STK3: variants seen among roughly 807,000 people sequenced by gnomAD.
STK3 encodes the protein serine/threonine kinase 3, also known as serine/threonine-protein kinase 3.
Under a neutral mutation model 58.0 loss-of-function variants are expected in STK3, and 41 were observed. That is an observed-to-expected ratio of 0.71 (90% CI 0.55 to 0.92). The LOEUF is 0.92. STK3 is among the 40% of genes least tolerant of loss of function. STK3 has a pLI of 0.00. For missense variants in STK3, 479 were observed against 602.7 expected (o/e 0.79, Z 2.15); for synonymous variants, 170 against 191.0 (o/e 0.89, Z 0.91).
At chr8:98,707,423 T>A in intron 4 of STK3, 112 bp from the exon 5 acceptor site, 4 of 796,006 alleles carry the variant, frequency 5.0e-6, no homozygotes, top group Non-Finnish European at 1.9e-6. Flanking sequence ...TGTTTTTTTT[T>A]AAGAGACCCC....
chr8:98,463,634 T>C (rs569211997), intron 10 of STK3, among the ~76,000 whole-genome samples: 1 of 152,292 alleles, frequency 6.6e-6, no homozygotes, highest in Non-Finnish European at 1.5e-5. Context: ...CCTTTAAGTT[T>C]ACATATCTAG....
At chr8:98,794,830 G>T (rs1283524178) in intron 1 of STK3, among the ~76,000 whole-genome samples, 1 of 151,826 alleles carries the variant, frequency 6.6e-6, no homozygotes, top group Non-Finnish European at 1.5e-5. Context: ...CACTTTGGGA[G>T]CCTAAGGCAG....
Position 98,937,696 on chromosome 8 carries a change from G to A in STK3, c.-79+4682C>T, listed in dbSNP as rs533840623. On this transcript the variant is annotated intron_variant, in intron 1 of 1. Transcript: ENST00000519420. Reference sequence around the variant, plus strand: ...AGGAATTGTATGTGCCTTATTAGTCGGTACTTCACAGGATTTTTAGAGTTG... The same window carrying A: ...AGGAATTGTATGTGCCTTATTAGTCAGTACTTCACAGGATTTTTAGAGTTG... Among the ~76,000 whole-genome samples, 12 of 152,286 alleles carry A rather than the reference G, an allele frequency of 7.9e-5. No individual in the cohort carries two copies. In the South Asian group the frequency reaches 1.2e-3, roughly 16 times the overall value.
chr8:98,840,443 C>A (rs995322436), intron 3 of STK3, among the ~76,000 whole-genome samples: 1 of 148,180 alleles, frequency 6.7e-6, no homozygotes, highest in African/African-American at 2.5e-5. Flanking sequence ...GTGGTGGCAC[C>A]TGTCTGTAGT....
intron 4 of STK3, among the ~76,000 whole-genome samples, chr8:98,709,404 TC>T (rs1826219696): frequency 6.6e-6 from 1 of 152,092 alleles, no homozygotes; most frequent in Non-Finnish European, 1.5e-5. Context: ...ATTCAACTTC[TC>T]AAATTTTCTA....
At chr8:98,920,506 C>T (rs1748860961) in intron 1 of STK3, among the ~76,000 whole-genome samples, 1 of 152,212 alleles carries the variant, frequency 6.6e-6, no homozygotes, top group African/African-American at 2.4e-5. Flanking sequence ...TTAACAGCTG[C>T]CAAAAGCACA....
chr8:98,546,339 A>T (rs1196606230), intron 9 of STK3, among the ~76,000 whole-genome samples: 1 of 152,072 alleles, frequency 6.6e-6, no homozygotes, highest in Non-Finnish European at 1.5e-5. Context: ...AATATAATAC[A>T]CTGCAATCTA....
chr8:98,597,273 C>T (rs1432399379), intron 6 of STK3: 21 of 985,310 alleles, frequency 2.1e-5, no homozygotes, highest in Non-Finnish European at 2.5e-5. Context: ...AATGGACTTT[C>T]TGTGGACACA....
chr8:98,428,492 G>A lies in STK3; in HGVS notation n.483+5635C>T. Reference sequence around the variant, plus strand: ...GGCAGCCCCTCGGCAACTTCCGCAGGCAGCTGTGGCTGGCGCTGGACAACC... The same window carrying A: ...GGCAGCCCCTCGGCAACTTCCGCAGACAGCTGTGGCTGGCGCTGGACAACC... On this transcript the variant is annotated intron_variant and non_coding_transcript_variant, in intron 3 of 3. Transcript: ENST00000517832. The surrounding 1 kb of genome is among the most constrained non-coding windows in gnomAD (Gnocchi z 6.7). 2 of 1,614,112 alleles carry A rather than the reference G, an allele frequency of 1.2e-6. No individual in the cohort carries two copies. The highest frequency in any genetic ancestry group is 2.2e-5 in the South Asian group (2 of 91,080).
intron 10 of STK3, among the ~76,000 whole-genome samples, chr8:98,502,250 G>C (rs1341783984): frequency 4.6e-5 from 7 of 151,248 alleles, no homozygotes; most frequent in African/African-American, 1.5e-4. Flanking sequence ...TTTGCACATT[G>C]ATTTTGTATC....
chr8:98,414,036 G>T (rs1291543870), intron 3 of STK3, among the ~76,000 whole-genome samples: 1 of 152,178 alleles, frequency 6.6e-6, no homozygotes, highest in Non-Finnish European at 1.5e-5. Context: ...GGCCACAGTG[G>T]GTGGATCACC....
At chr8:98,693,828 A>T (rs1234126554) in intron 6 of STK3, among the ~76,000 whole-genome samples, 1 of 152,144 alleles carries the variant, frequency 6.6e-6, no homozygotes, top group African/African-American at 2.4e-5. Flanking sequence ...TCAGTTTTCC[A>T]GAATTTCTCA....
intron 6 of STK3, among the ~76,000 whole-genome samples, chr8:98,683,793 A>G (rs1268157306): frequency 1.3e-5 from 2 of 152,196 alleles, no homozygotes; most frequent in East Asian, 1.9e-4. Context: ...GTTGAAATGC[A>G]GAACTGTAAT....
At position 98,805,476 on chromosome 8, in the gene STK3, A is replaced by G. The variant is rs867895906; in HGVS notation, c.26+20039T>C. Among the ~76,000 whole-genome samples, 41 of 151,950 alleles carry G rather than the reference A, an allele frequency of 2.7e-4. 1 individual carries two copies. The highest frequency in any genetic ancestry group is 7.3e-5 in the African/African-American group (3 of 41,360). ...TGTAATCCCAGCTACTCGGGAGGCT[A>G]AGGCAGGAGAATTGCTTGAACCCAG... On this transcript the variant is annotated intron_variant, in intron 1 of 10. Transcript: ENST00000419617.
chr8:98,351,897 C>A, the STK3 span, among the ~76,000 whole-genome samples: 1 of 152,154 alleles, frequency 6.6e-6, no homozygotes, highest in Non-Finnish European at 1.5e-5. Flanking sequence ...TGGTGCCTCA[C>A]GCCTGTAATC....
downstream of STK3, among the ~76,000 whole-genome samples, chr8:98,400,249 A>G (rs1817930116): frequency 5.9e-5 from 9 of 152,358 alleles, no homozygotes; most frequent in South Asian, 1.9e-3. Context: ...GTCCAAGTCC[A>G]GGGATTCCAT....
At chr8:98,911,371 TAA>T (rs1298556335) in intron 1 of STK3, among the ~76,000 whole-genome samples, 1 of 145,166 alleles carries the variant, frequency 6.9e-6, no homozygotes, top group African/African-American at 2.7e-5. Context: ...ATTACTCATA[TAA>T]ATATTGTATT....
chr8:98,477,560 G>A (rs1821423858), intron 10 of STK3, among the ~76,000 whole-genome samples: 2 of 151,866 alleles, frequency 1.3e-5, no homozygotes, highest in African/African-American at 2.4e-5. Context: ...ATGTCCATTA[G>A]CAATTCATTC....
chr8:98,587,054 G>T (rs1378767002), intron 7 of STK3, among the ~76,000 whole-genome samples: 1 of 151,872 alleles, frequency 6.6e-6, no homozygotes, highest in Non-Finnish European at 1.5e-5. Context: ...ACCAGCTCCT[G>T]GATTCGTTAA....
Sources: allele counts gnomAD v4.1 joint callset (sites outside exome capture counted in the v4.1 genomes callset), GRCh38; gene constraint gnomAD v4.1.1; non-coding constraint Gnocchi (gnomAD v3.1); transcripts MANE v1.5; gene names NCBI Gene and HGNC (gene_info 2026-07-23, HGNC 2026-07-21).